Variants in SCN8A observed in about 807,000 individuals in gnomAD.
The protein encoded by SCN8A is sodium channel protein type 8 subunit alpha.
In SCN8A, 30 loss-of-function variants were observed where a neutral mutation model predicts 184.1. That is an observed-to-expected ratio of 0.16 (90% confidence interval 0.12 to 0.22). The LOEUF is 0.22. SCN8A is among the 10% of genes least tolerant of loss of function. SCN8A has a pLI of 1.00. For synonymous variants in SCN8A, 852 were observed against 907.0 expected (o/e 0.94, Z 1.09); for missense variants, 1,057 against 2,498.9 (o/e 0.42, Z 12.30).
chr12:51,693,769 G>A (rs938797545), intron 6 of SCN8A, among the ~76,000 whole-genome samples: 1 of 152,168 alleles, frequency 6.6e-6, no homozygotes, highest in Admixed American at 6.5e-5. Context: ...GAACAGGGCA[G>A]TTGTTCTTTC....
At chr12:51,719,668 G>T (rs1170707852) in intron 11 of SCN8A, among the ~76,000 whole-genome samples, 1 of 118,558 alleles carries the variant, frequency 8.4e-6, no homozygotes, top group African/African-American at 3.3e-5. Context: ...AAATTCAGGG[G>T]TGAGCAGTAA....
At chr12:51,689,417 A>G (rs967115075) in intron 6 of SCN8A, 2 of 250,170 alleles carry the variant, frequency 8.0e-6, no homozygotes, top group African/African-American at 2.2e-5. Context: ...TCCTGGCTCC[A>G]TGGAATTACA....
intron 1 of SCN8A, among the ~76,000 whole-genome samples, chr12:51,593,354 C>A (rs1400977068): frequency 1.3e-5 from 2 of 152,140 alleles, no homozygotes; most frequent in African/African-American, 4.8e-5. Flanking sequence ...TATTGCAAAG[C>A]AGTTCATAAT....
intron 22 of SCN8A, among the ~76,000 whole-genome samples, chr12:51,788,317 C>A (rs1340459334): frequency 2.5e-5 from 3 of 118,670 alleles, no homozygotes; most frequent in Non-Finnish European, 1.7e-5. Flanking sequence ...TTGCTTACCA[C>A]CTTTTTAAAA....
At chr12:51,646,085 G>C (rs1940583838) in intron 1 of SCN8A, among the ~76,000 whole-genome samples, 1 of 150,068 alleles carries the variant, frequency 6.7e-6, no homozygotes, top group Admixed American at 6.6e-5. Context: ...TGGCCCCCAG[G>C]AACACATTCA....
At chr12:51,781,578 A>G (rs1042867316) in intron 21 of SCN8A, among the ~76,000 whole-genome samples, 1 of 152,100 alleles carries the variant, frequency 6.6e-6, no homozygotes, top group Admixed American at 6.5e-5. Flanking sequence ...CCAACTTAGA[A>G]ACAAGGTGCC....
At chr12:51,609,081 A>G (rs1368102212) in intron 1 of SCN8A, among the ~76,000 whole-genome samples, 1 of 152,152 alleles carries the variant, frequency 6.6e-6, no homozygotes, top group Admixed American at 6.5e-5. Context: ...GTTTTATTCC[A>G]CTGTGGTCTG....
At chr12:51,697,725 G>T (rs1362128875) in intron 6 of SCN8A, among the ~76,000 whole-genome samples, 1 of 152,272 alleles carries the variant, frequency 6.6e-6, no homozygotes. Context: ...ACCCAATGAG[G>T]TTGGTATTGT....
intron 12 of SCN8A, among the ~76,000 whole-genome samples, chr12:51,727,827 T>C (rs1296156978): frequency 6.6e-6 from 1 of 151,950 alleles, no homozygotes; most frequent in Admixed American, 6.6e-5. Context: ...CCAGGCATGG[T>C]TAATCTCAGC....
chr12:51,767,650 T>C (rs776242074), intron 16 of SCN8A, among the ~76,000 whole-genome samples: 37 of 152,242 alleles, frequency 2.4e-4, no homozygotes, highest in Non-Finnish European at 4.4e-4. Flanking sequence ...CCAGGCTGTA[T>C]ACCAAATCTA....
chr12:51,712,516 A>G, intron 11 of SCN8A: 3 of 773,276 alleles, frequency 3.9e-6, no homozygotes, highest in Non-Finnish European at 7.1e-6. Flanking sequence ...CATAACCACC[A>G]CCATAGGGAC....
chr12:51,700,171 A>AG (rs1941661654), intron 7 of SCN8A, among the ~76,000 whole-genome samples: 1 of 92,628 alleles, frequency 1.1e-5, no homozygotes, highest in Non-Finnish European at 2.4e-5. Context: ...ACTCCATCTC[A>AG]AAAAAAAAAA....
chr12:51,592,400 C>T (rs1939247919), intron 1 of SCN8A, among the ~76,000 whole-genome samples: 1 of 152,020 alleles, frequency 6.6e-6, no homozygotes, highest in Middle Eastern at 3.2e-3. Flanking sequence ...CATTTTTCAG[C>T]CCGATAAATA....
intron 1 of SCN8A, among the ~76,000 whole-genome samples, chr12:51,616,698 C>A (rs929149749): frequency 9.2e-5 from 14 of 152,012 alleles, no homozygotes; most frequent in Admixed American, 9.2e-4. Flanking sequence ...CATGGGAGGA[C>A]TGCCTGAGCC....
rs925960582 is a variant in SCN8A at position 51,739,607 on chromosome 12, T to C, written c.1999-6296T>C. Among the ~76,000 whole-genome samples, 5 of 152,132 alleles carry C rather than the reference T, an allele frequency of 3.3e-5. No homozygotes were observed. The East Asian group carries it at 7.7e-4, about 23-fold the overall frequency. ...CGAACCAGACCCCATCCCTGTCCCA[T>C]TGTTACCCTGAGGCATCCGAGCTCC... On this transcript the variant is annotated intron_variant, in intron 12 of 26. Coordinates refer to ENST00000627620, the MANE Select transcript of SCN8A (RefSeq NM_001330260.2).
chr12:51,675,650 G>C (rs1941210621), intron 2 of SCN8A, among the ~76,000 whole-genome samples: 1 of 152,216 alleles, frequency 6.6e-6, no homozygotes, highest in African/African-American at 2.4e-5. Flanking sequence ...AGTTTGGGCA[G>C]AGCATTCTGT....
intron 1 of SCN8A, among the ~76,000 whole-genome samples, chr12:51,593,463 T>C (rs574001554): frequency 6.6e-6 from 1 of 152,170 alleles, no homozygotes. Context: ...GAGGATTTTG[T>C]TTTAAATTAA....
At position 51,735,337 on chromosome 12, in the gene SCN8A, G is replaced by A. The variant is rs187855131; in HGVS notation, c.1999-10566G>A. 4.1e-4 allele frequency among the ~76,000 whole-genome samples: 62 copies of A among 152,286 alleles called. 1 individual carries two copies. The East Asian group carries it at 0.011, about 28-fold the overall frequency. ...ATAGGAATCGTTGTGCAGCACCTCT[G>A]CCTGTTTTGCAAAGCAATCTTCCTA... On this transcript the variant is annotated intron_variant, in intron 12 of 26. Coordinates refer to ENST00000627620, the MANE Select transcript of SCN8A (RefSeq NM_001330260.2).
chr12:51,798,017 C>T (rs941017896), intron 26 of SCN8A, among the ~76,000 whole-genome samples: 2 of 152,096 alleles, frequency 1.3e-5, no homozygotes, highest in African/African-American at 4.8e-5. Context: ...GATTCCTGGA[C>T]CCATGAATCC....
Sources: gnomAD v4.1 joint callset for allele counts (sites outside exome capture counted in the v4.1 genomes callset) on GRCh38, gnomAD v4.1.1 for gene constraint, MANE v1.5 for transcripts, NCBI Gene and HGNC (gene_info 2026-07-23, HGNC 2026-07-21) for gene names.